The following VAV3 variants were observed in gnomAD, a reference collection of about 807,000 sequenced individuals.
The protein encoded by VAV3 is guanine nucleotide exchange factor VAV3.
A neutral mutation model predicts 131.2 loss-of-function variants in VAV3; 94 were observed. That is an observed-to-expected ratio of 0.72 (90% CI 0.61 to 0.85). VAV3 has a LOEUF of 0.85. Among genes scored for constraint, VAV3 ranks in the 40% least tolerant of loss-of-function variants. The probability of loss-of-function intolerance (pLI) is 0.00; values close to 1 mark genes in which losing one functional copy is unlikely to be tolerated. For synonymous variants in VAV3, 349 were observed against 342.0 expected (o/e 1.02, Z -0.22); for missense variants, 939 against 1,002.7 (o/e 0.94, Z 0.86).
chr1:107,599,144 G>A (rs1014912778), intron 24 of VAV3, among the ~76,000 whole-genome samples: 3 of 151,978 alleles, frequency 2.0e-5, no homozygotes, highest in South Asian at 2.1e-4. Context: ...AGGGTCATGC[G>A]GCTTACTTAG....
chr1:107,868,421 G>T (rs1007776926), intron 2 of VAV3, among the ~76,000 whole-genome samples: 1 of 152,156 alleles, frequency 6.6e-6, no homozygotes, highest in African/African-American at 2.4e-5. Context: ...GAAAGGCTCA[G>T]AAGCCTTTGC....
intron 17 of VAV3, among the ~76,000 whole-genome samples, chr1:107,695,111 G>A (rs1041459414): frequency 2.0e-5 from 3 of 152,122 alleles, no homozygotes; most frequent in Non-Finnish European, 2.9e-5. Flanking sequence ...TAAAAAAACT[G>A]GTTGGAGAAC....
chr1:107,753,529 T>TATATATATATATATATAC (rs1663897462), intron 12 of VAV3, among the ~76,000 whole-genome samples: 4 of 19,408 alleles, frequency 2.1e-4, no homozygotes, highest in African/African-American at 6.2e-4. Context: ...TATATATACG[T>TATATATATATATATATAC]ATATATATAT....
At chr1:107,732,213 C>T (rs1167787651) in intron 15 of VAV3, among the ~76,000 whole-genome samples, 1 of 152,196 alleles carries the variant, frequency 6.6e-6, no homozygotes, top group Non-Finnish European at 1.5e-5. Flanking sequence ...CATTATAATG[C>T]TGACTTGAAA....
At chr1:107,717,981 A>G (rs2101905299) in intron 15 of VAV3, among the ~76,000 whole-genome samples, 1 of 152,102 alleles carries the variant, frequency 6.6e-6, no homozygotes, top group Non-Finnish European at 1.5e-5. Context: ...TGATCCCTTT[A>G]CCATTATGTA....
At chr1:107,573,553 G>C (rs1649399464) in intron 26 of VAV3, among the ~76,000 whole-genome samples, 181 bp from the exon 27 acceptor site, 1 of 152,138 alleles carries the variant, frequency 6.6e-6, no homozygotes, top group African/African-American at 2.4e-5. Flanking sequence ...GATCGAAATG[G>C]AGGAATAAAA....
chr1:107,718,714 T>C (rs1476825985), intron 15 of VAV3, among the ~76,000 whole-genome samples: 1 of 152,204 alleles, frequency 6.6e-6, no homozygotes, highest in East Asian at 1.9e-4. Context: ...TACTTTAAAG[T>C]TCATATGGAA....
chr1:107,628,761 C>G (rs975477776), intron 20 of VAV3, among the ~76,000 whole-genome samples: 2 of 152,050 alleles, frequency 1.3e-5, no homozygotes, highest in African/African-American at 4.8e-5. Flanking sequence ...AGTAGGGGAC[C>G]ACAAGTCTGA....
intron 15 of VAV3, among the ~76,000 whole-genome samples, chr1:107,730,440 T>C (rs1181423494): frequency 6.6e-6 from 1 of 152,160 alleles, no homozygotes; most frequent in Non-Finnish European, 1.5e-5. Flanking sequence ...TAAAATCTTA[T>C]CTAAATAACT....
chr1:107,732,495 G>A (rs1662310094), intron 15 of VAV3, among the ~76,000 whole-genome samples: 1 of 152,148 alleles, frequency 6.6e-6, no homozygotes, highest in Admixed American at 6.5e-5. Flanking sequence ...AGGAAAATCG[G>A]GACACTCCCG....
intron 1 of VAV3, among the ~76,000 whole-genome samples, chr1:107,945,769 T>A (rs2101301458): frequency 7.2e-6 from 1 of 139,402 alleles, no homozygotes; most frequent in East Asian, 2.1e-4. Context: ...TTGCAGTGAA[T>A]CGAGATCGCG....
chr1:107,765,408 T>A (rs547872445), intron 8 of VAV3, among the ~76,000 whole-genome samples: 28 of 152,334 alleles, frequency 1.8e-4, no homozygotes, highest in African/African-American at 6.3e-4. Flanking sequence ...CTATGTAAAT[T>A]TTTATAGCAG....
intron 24 of VAV3, among the ~76,000 whole-genome samples, chr1:107,598,191 C>A (rs1570585199): frequency 6.6e-6 from 1 of 151,850 alleles, no homozygotes; most frequent in African/African-American, 2.4e-5. Context: ...CTGTCTCTAC[C>A]AAAAATACAA....
At chr1:107,823,741 T>G (rs1405082709) in intron 2 of VAV3, among the ~76,000 whole-genome samples, 1 of 152,118 alleles carries the variant, frequency 6.6e-6, no homozygotes, top group African/African-American at 2.4e-5. Context: ...GAAGGTTAAA[T>G]GAGGTCATAA....
At chr1:107,708,661 G>A (rs940906748) in intron 15 of VAV3, among the ~76,000 whole-genome samples, 12 of 151,984 alleles carry the variant, frequency 7.9e-5, no homozygotes, top group Admixed American at 5.9e-4. Context: ...ATTCCTAACT[G>A]CTCCTCAGGC....
intron 19 of VAV3, among the ~76,000 whole-genome samples, chr1:107,658,703 T>C (rs1570700669): frequency 6.6e-6 from 1 of 152,230 alleles, no homozygotes; most frequent in Admixed American, 6.5e-5. Context: ...TGGCCAGTGA[T>C]GATGAGCATT....
chr1:107,804,731 C>T (rs1666982228), intron 2 of VAV3, among the ~76,000 whole-genome samples: 1 of 151,844 alleles, frequency 6.6e-6, no homozygotes, highest in Admixed American at 6.6e-5. Flanking sequence ...TCAGTTTTAC[C>T]AGTGGGTTTT....
At chr1:107,598,361 C>CAAAAT (rs1174981846) in intron 24 of VAV3, among the ~76,000 whole-genome samples, 1 of 151,820 alleles carries the variant, frequency 6.6e-6, no homozygotes, top group African/African-American at 2.4e-5. Context: ...TGTCTCAAAA[C>CAAAAT]AAAACAAAAC....
At chr1:107,753,499 CATATATAT>C in intron 12 of VAV3, among the ~76,000 whole-genome samples, 1 of 95,510 alleles carries the variant, frequency 1.0e-5, no homozygotes, top group African/African-American at 4.0e-5. Context: ...TATATACACA[CATATATAT>C]ACACACATAT....
Sources: gnomAD v4.1 joint callset for allele counts (sites outside exome capture counted in the v4.1 genomes callset) on GRCh38, gnomAD v4.1.1 for gene constraint, MANE v1.5 for transcripts, NCBI Gene and HGNC (gene_info 2026-07-23, HGNC 2026-07-21) for gene names.